Variants in ZMYND11 observed in about 807,000 individuals in gnomAD.
The protein encoded by ZMYND11 is zinc finger MYND domain-containing protein 11.
Under a neutral mutation model 84.9 loss-of-function variants are expected in ZMYND11, and 9 were observed. The observed-to-expected ratio is 0.11, with a 90% CI of 0.06 to 0.18. The LOEUF (loss-of-function observed/expected upper bound fraction) is 0.18, where lower values mean the gene tolerates loss of function less well. Among genes scored for constraint, ZMYND11 ranks in the 10% least tolerant of loss-of-function variants. ZMYND11 has a pLI of 1.00. For synonymous variants in ZMYND11, 250 were observed against 244.1 expected (o/e 1.02, Z -0.23); for missense variants, 409 against 761.0 (o/e 0.54, Z 5.44).
chr10:246,988 G>C lies in ZMYND11; in HGVS notation c.1158+15G>C, dbSNP rs1272578908. On this transcript the variant is annotated intron_variant, in intron 11 of 14. Coordinates refer to ENST00000381604, the MANE Select transcript of ZMYND11 (RefSeq NM_001370100.5). ...GTAATGAGCAGGTGAGTGTGTCTCCGGAAGGAAGTGCCTATTCATTATTAC... is the reference window on the plus strand; with the variant it reads ...GTAATGAGCAGGTGAGTGTGTCTCCCGAAGGAAGTGCCTATTCATTATTAC... The C allele has an allele frequency of 6.3e-7, 1 of 1,579,912 alleles. No homozygotes were observed. Among genetic ancestry groups the C allele is most frequent in the Non-Finnish European group, 8.6e-7 (1 of 1,160,832 alleles).
At chr10:161,325 C>T (rs1201082109) in intron 1 of ZMYND11, among the ~76,000 whole-genome samples, 1 of 152,202 alleles carries the variant, frequency 6.6e-6, no homozygotes, top group African/African-American at 2.4e-5. Context: ...GTAAACCATT[C>T]TGTTAACAGA....
At chr10:149,285 GTTATTATTATTATTATTA>G (rs61508487) in intron 1 of ZMYND11, among the ~76,000 whole-genome samples, 13 of 139,316 alleles carry the variant, frequency 9.3e-5, no homozygotes, top group Middle Eastern at 7.2e-3. Context: ...TGAGGTGGTT[GTTATTATTATTATTATTA>G]TTATTATTAT....
intron 14 of ZMYND11, among the ~76,000 whole-genome samples, chr10:250,131 A>T (rs1214453641): frequency 6.6e-6 from 1 of 152,204 alleles, no homozygotes; most frequent in Admixed American, 6.5e-5. Context: ...GGTTTTGAGG[A>T]GCTGACAAGC....
intron 2 of ZMYND11, among the ~76,000 whole-genome samples, chr10:200,453 T>G (rs1049051930): frequency 1.3e-5 from 2 of 149,788 alleles, no homozygotes; most frequent in African/African-American, 4.9e-5. Context: ...TGTGTATATA[T>G]TTATTTTTTA....
chr10:147,355 TC>T (rs749432513), intron 1 of ZMYND11, among the ~76,000 whole-genome samples: 1 of 152,162 alleles, frequency 6.6e-6, no homozygotes, highest in Non-Finnish European at 1.5e-5. Flanking sequence ...TTTCAACTTT[TC>T]CCCATTCAGT....
chr10:252,725 C>A lies in ZMYND11; in HGVS notation c.*255C>A. On this transcript the variant is annotated 3_prime_UTR_variant, in exon 15 of 15. Transcript: ENST00000381604. The surrounding 1 kb of genome is among the most constrained non-coding windows in gnomAD (Gnocchi z 4.6). ...AATTGAGAATTTGTTGCATTTTCAGCAAATTTTAAAACATTTTTAGGTTTT... is the reference window on the plus strand; with the variant it reads ...AATTGAGAATTTGTTGCATTTTCAGAAAATTTTAAAACATTTTTAGGTTTT... 3.0e-6 allele frequency: 1 copy of A among 332,170 alleles called. No homozygotes were observed. Among genetic ancestry groups the A allele is most frequent in the Non-Finnish European group, 5.4e-6 (1 of 185,612 alleles). 20.6% of individuals were successfully genotyped at this position (332,170 alleles called of 1,614,324 possible).
intron 3 of ZMYND11, among the ~76,000 whole-genome samples, chr10:214,119 A>C (rs1258283732): frequency 6.6e-6 from 1 of 152,174 alleles, no homozygotes; most frequent in East Asian, 1.9e-4. Context: ...CACCGTTTGC[A>C]GCCCTAATGA....
At chr10:171,816 G>A (rs1845391648) in intron 1 of ZMYND11, among the ~76,000 whole-genome samples, 1 of 152,132 alleles carries the variant, frequency 6.6e-6, no homozygotes, top group South Asian at 2.1e-4. Flanking sequence ...TTAAGATCAG[G>A]AACAAGGCAA....
chr10:167,933 TTTTTA>T (rs2131590270), intron 1 of ZMYND11, among the ~76,000 whole-genome samples: 1 of 152,322 alleles, frequency 6.6e-6, no homozygotes, highest in African/African-American at 2.4e-5. Context: ...TCTGTGATTC[TTTTTA>T]TTTTGTAAAA....
chr10:214,612 A>C (rs1353538792), intron 3 of ZMYND11, among the ~76,000 whole-genome samples: 1 of 152,254 alleles, frequency 6.6e-6, no homozygotes, highest in Non-Finnish European at 1.5e-5. Context: ...CCGCAAGACC[A>C]GGCCACTGAG....
At chr10:155,825 T>G (rs782229590) in intron 1 of ZMYND11, among the ~76,000 whole-genome samples, 1 of 152,214 alleles carries the variant, frequency 6.6e-6, no homozygotes, top group Non-Finnish European at 1.5e-5. Flanking sequence ...AAAGAGGTCC[T>G]CGTTGGGAGA....
chr10:169,534 T>C (rs1278664573), intron 1 of ZMYND11, among the ~76,000 whole-genome samples: 1 of 151,714 alleles, frequency 6.6e-6, no homozygotes, highest in Non-Finnish European at 1.5e-5. Flanking sequence ...ATGCTAAGAG[T>C]TTTAATGCCA....
At chr10:203,997 A>T (rs572433491) in intron 2 of ZMYND11, among the ~76,000 whole-genome samples, 11 of 152,324 alleles carry the variant, frequency 7.2e-5, no homozygotes, top group Middle Eastern at 3.4e-3. Context: ...TTATTTAACC[A>T]GTCCCCTAAG....
At chr10:182,258 G>C (rs561772268) in intron 2 of ZMYND11, among the ~76,000 whole-genome samples, 2 of 152,330 alleles carry the variant, frequency 1.3e-5, no homozygotes, top group East Asian at 3.9e-4. Context: ...TACAACACGT[G>C]TGTGTACATG....
At chr10:191,386 A>G (rs552346537) in intron 2 of ZMYND11, among the ~76,000 whole-genome samples, 2 of 152,208 alleles carry the variant, frequency 1.3e-5, no homozygotes, top group African/African-American at 4.8e-5. Flanking sequence ...GATCATCTGC[A>G]TGGAACTAAC....
intron 1 of ZMYND11, among the ~76,000 whole-genome samples, chr10:144,523 A>AT (rs1260360199): frequency 1.3e-5 from 2 of 151,594 alleles, no homozygotes; most frequent in Non-Finnish European, 2.9e-5. Context: ...TGCCTGGCCT[A>AT]TTTTTTAAAA....
chr10:138,087 A>G (rs975815965), intron 1 of ZMYND11, among the ~76,000 whole-genome samples: 1 of 151,226 alleles, frequency 6.6e-6, no homozygotes, highest in Non-Finnish European at 1.5e-5. Flanking sequence ...TCTTTCATTC[A>G]TACTGAATAC....
chr10:173,410 A>C (rs561115934), intron 1 of ZMYND11, among the ~76,000 whole-genome samples: 1 of 152,232 alleles, frequency 6.6e-6, no homozygotes. Context: ...CATCAAGCAA[A>C]ACATACAAAG....
chr10:250,231 C>T (rs977234731), intron 14 of ZMYND11, among the ~76,000 whole-genome samples: 2 of 152,250 alleles, frequency 1.3e-5, no homozygotes, highest in African/African-American at 2.4e-5. Flanking sequence ...CCCAGCTTCT[C>T]AACTCAGTTT....
Sources: allele counts gnomAD v4.1 joint callset (sites outside exome capture counted in the v4.1 genomes callset), GRCh38; gene constraint gnomAD v4.1.1; non-coding constraint Gnocchi (gnomAD v3.1); transcripts MANE v1.5; gene names NCBI Gene and HGNC (gene_info 2026-07-23, HGNC 2026-07-21).